Variants in TCF24 observed in about 807,000 individuals in gnomAD.
The protein encoded by TCF24 is transcription factor 24.
A neutral mutation model predicts 9.3 loss-of-function variants in TCF24; 5 were observed. That is an observed-to-expected ratio of 0.54 (90% CI 0.28 to 1.13). The LOEUF (loss-of-function observed/expected upper bound fraction) is 1.13. TCF24 is among the 50% of genes most tolerant of loss of function. The pLI, the probability that TCF24 is intolerant of heterozygous loss-of-function variation, is 0.09. For synonymous variants in TCF24, 110 were observed against 115.8 expected (o/e 0.95, Z 0.32); for missense variants, 220 against 236.1 (o/e 0.93, Z 0.45).
chr8:66,955,555 A>G (rs190328571), intron 3 of TCF24, among the ~76,000 whole-genome samples: 183 of 152,332 alleles, frequency 1.2e-3, no homozygotes, highest in African/African-American at 4.3e-3. Flanking sequence ...GATAATCCAC[A>G]GTGCTCAAAT....
At chr8:66,957,828 A>G (rs1341763136) in intron 3 of TCF24, among the ~76,000 whole-genome samples, 1 of 151,382 alleles carries the variant, frequency 6.6e-6, no homozygotes, top group African/African-American at 2.4e-5. Flanking sequence ...TAAAATTAAA[A>G]TACTACTGAA....
chr8:66,957,895 TAAAAAAAAAAAAA>T (rs11299517), intron 3 of TCF24, among the ~76,000 whole-genome samples: 4 of 43,064 alleles, frequency 9.3e-5, no homozygotes, highest in Non-Finnish European at 8.6e-5. Context: ...TAAGAATTGC[TAAAAAAAAAAAAA>T]AAAAAAAAAA....
At chr8:66,953,315 T>C (rs1205985551) in intron 3 of TCF24, among the ~76,000 whole-genome samples, 2 of 150,650 alleles carry the variant, frequency 1.3e-5, no homozygotes, top group African/African-American at 4.9e-5. Context: ...TCTCAGCATT[T>C]GCTTGTCTGT....
rs1239460867 is a variant in TCF24, at chr8:66,961,721, G to C, written c.45C>G (p.Ala15=). 6.3e-6 allele frequency: 7 copies of C among 1,103,704 alleles called. No individual in the cohort carries two copies. Among genetic ancestry groups the C allele is most frequent in the South Asian group, 4.4e-5 (1 of 22,848 alleles). 68.4% of individuals were successfully genotyped at this position (1,103,704 alleles called of 1,614,324 possible). Residue 15 remains alanine, a synonymous_variant, in exon 3 of 4, where the codon GCC becomes GCG. Coordinates refer to ENST00000563496, the MANE Select transcript of TCF24 (RefSeq NM_001193502.2). ...TGGCGGCGGCCAGGGGCGCGGGCTC[G>C]GCGCTGGCGCTGAGGGGGCTGCCCG... ...RPAGSPLSAS[A]EPAPLAAAIR...
chr8:66,959,638 TATTA>T (rs1814222586), intron 3 of TCF24, among the ~76,000 whole-genome samples: 3 of 152,358 alleles, frequency 2.0e-5, no homozygotes, highest in Non-Finnish European at 2.9e-5. Flanking sequence ...GACTGAGTCT[TATTA>T]ATTGTGTTCA....
At chr8:66,955,207 A>G (rs1316529610) in intron 3 of TCF24, 6 of 152,182 alleles carry the variant, frequency 3.9e-5, no homozygotes, top group African/African-American at 9.7e-5. Context: ...ATGGTGGGCA[A>G]TCTCTCAAAC....
In TCF24 at chr8:66,946,560, A is replaced by C. The variant is rs1813965508; in HGVS notation, c.*1491T>G. Reference sequence around the variant, plus strand: ...CTCTTATCATGACCATTCACCATTAAAGCATTAAAAGAGCATGCTCTTTTG... The same window carrying C: ...CTCTTATCATGACCATTCACCATTACAGCATTAAAAGAGCATGCTCTTTTG... On this transcript the variant is annotated 3_prime_UTR_variant, in exon 4 of 4. Transcript: ENST00000563496. 1 of 152,124 alleles carries C rather than the reference A, an allele frequency of 6.6e-6. No individual in the cohort carries two copies. 9.4% of individuals were successfully genotyped at this position (152,124 alleles called of 1,614,324 possible). A position where few individuals can be genotyped will look rare whatever the true frequency, so the allele number is the denominator to read the frequency against.
intron 3 of TCF24, among the ~76,000 whole-genome samples, chr8:66,950,494 C>A (rs955434783): frequency 6.6e-6 from 1 of 152,110 alleles, no homozygotes; most frequent in East Asian, 1.9e-4. Flanking sequence ...GTTACTGTAG[C>A]CTTGTAGTAT....
At chr8:66,951,226 G>A (rs1206049580) in intron 3 of TCF24, among the ~76,000 whole-genome samples, 1 of 140,304 alleles carries the variant, frequency 7.1e-6, no homozygotes, top group African/African-American at 2.7e-5. Context: ...TTGGCTGTGG[G>A]TTTGTCATAG....
chr8:66,955,535 A>C (rs1358998995), intron 3 of TCF24, among the ~76,000 whole-genome samples: 2 of 152,220 alleles, frequency 1.3e-5, no homozygotes, highest in East Asian at 3.8e-4. Context: ...ATGTTTTTAA[A>C]TGCCTGGTAG....
chr8:66,954,582 C>T lies in TCF24; in HGVS notation c.391-6418G>A, dbSNP rs1456701772. Among the ~76,000 whole-genome samples, 4 of 152,164 alleles carry T rather than the reference C, an allele frequency of 2.6e-5. No homozygotes were observed. In the East Asian group the frequency reaches 5.8e-4, roughly 22 times the overall value. ...GCCCTGCCCCCAGAGGTGGAGCCTA[C>T]AGAGGCAGGCAGGCCTCCTTGAGCT... is the stretch of plus-strand genomic sequence containing the variant. On this transcript the variant is annotated intron_variant, in intron 3 of 3. Transcript: ENST00000563496.
chr8:66,957,961 A>C (rs1814189271), intron 3 of TCF24, among the ~76,000 whole-genome samples: 1 of 151,852 alleles, frequency 6.6e-6, no homozygotes. Context: ...TGTGGAGACA[A>C]ATGAAGGCGT....
In TCF24 at chr8:66,961,602, G is replaced by T. The variant is rs1361975310; in HGVS notation, c.164C>A (p.Ala55Glu). 22 of 1,308,042 alleles carry T rather than the reference G, an allele frequency of 1.7e-5. No individual in the cohort carries two copies. The African/African-American group carries it at 3.2e-4, about 19-fold the overall frequency. 81.0% of individuals were successfully genotyped at this position (1,308,042 alleles called of 1,614,324 possible). A position where few individuals can be genotyped will look rare whatever the true frequency, so the allele number is the denominator to read the frequency against. Residue 55 changes from alanine to glutamate, a missense_variant, in exon 3 of 4, where the codon GCG (alanine) becomes GAG (glutamate). Physicochemically the swap from Ala to Glu is moderately radical, Grantham distance 107. Transcript: ENST00000563496. ...SGSGRPAAAN[A>E]ARERSRVQTL... Reference sequence around the variant, plus strand: ...CTGCACCCGGCTGCGCTCCCGCGCCGCATTCGCCGCCGCCGGCCGCCCGCT... The same window carrying T: ...CTGCACCCGGCTGCGCTCCCGCGCCTCATTCGCCGCCGCCGGCCGCCCGCT...
intron 3 of TCF24, among the ~76,000 whole-genome samples, chr8:66,950,283 A>G (rs1814038375): frequency 6.7e-6 from 1 of 149,984 alleles, no homozygotes; most frequent in Non-Finnish European, 1.5e-5. Flanking sequence ...TGATTTTTGT[A>G]TAAGGTGTAA....
At chr8:66,954,533 A>G (rs977506089) in intron 3 of TCF24, among the ~76,000 whole-genome samples, 2 of 152,226 alleles carry the variant, frequency 1.3e-5, no homozygotes. Context: ...TGCAGAGGTT[A>G]CTGCTGTCTT....
chr8:66,948,654 A>ATCTATCTAT (rs1814000876), intron 3 of TCF24, among the ~76,000 whole-genome samples: 2 of 146,532 alleles, frequency 1.4e-5, no homozygotes, highest in Non-Finnish European at 3.0e-5. Context: ...AAAAGTGTCA[A>ATCTATCTAT]CTATCTATCT....
chr8:66,961,293 A>G (rs1205183360), intron 3 of TCF24, 83 bp downstream of exon 3: 2 of 1,331,856 alleles, frequency 1.5e-6, no homozygotes, highest in Non-Finnish European at 1.9e-6. Context: ...GAATTAGAGC[A>G]TCTACCCAAG....
In TCF24 at chr8:66,946,842, C is replaced by A. The variant is rs2130895353; in HGVS notation, c.*1209G>T. On this transcript the variant is annotated 3_prime_UTR_variant, in exon 4 of 4. Transcript: ENST00000563496. ...CCCAGTTAAATGCTTTAAAAACTAGCCAAACTAATAAATCTTAAGAATTAT... is the reference window on the plus strand; with the variant it reads ...CCCAGTTAAATGCTTTAAAAACTAGACAAACTAATAAATCTTAAGAATTAT... 6.6e-6 allele frequency: 1 copy of A among 152,170 alleles called. No individual in the cohort carries two copies. Among genetic ancestry groups the A allele is most frequent in the Admixed American group, 6.5e-5 (1 of 15,290 alleles). 9.4% of individuals were successfully genotyped at this position (152,170 alleles called of 1,614,324 possible). A position where few individuals can be genotyped will look rare whatever the true frequency, so the allele number is the denominator to read the frequency against.
chr8:66,950,412 T>C (rs1814040673), intron 3 of TCF24, among the ~76,000 whole-genome samples: 1 of 152,090 alleles, frequency 6.6e-6, no homozygotes, highest in African/African-American at 2.4e-5. Context: ...CAGATAGTTG[T>C]AGATATGCGG....
Sources: allele counts gnomAD v4.1 joint callset (sites outside exome capture counted in the v4.1 genomes callset), GRCh38; gene constraint gnomAD v4.1.1; transcripts MANE v1.5; gene names NCBI Gene and HGNC (gene_info 2026-07-23, HGNC 2026-07-21).